The following HKDC1 variants were observed in gnomAD, a reference collection of about 807,000 sequenced individuals.
HKDC1 encodes hexokinase domain containing 1, also known as hexokinase HKDC1.
Under a neutral mutation model 96.6 loss-of-function variants are expected in HKDC1, and 66 were observed. That is an observed-to-expected ratio of 0.68 (90% CI 0.56 to 0.84). The LOEUF (loss-of-function observed/expected upper bound fraction) is 0.84, where lower values mean the gene tolerates loss of function less well. Among genes scored for constraint, HKDC1 ranks in the 40% least tolerant of loss-of-function variants. The pLI, the probability that HKDC1 is intolerant of heterozygous loss-of-function variation, is 0.00. For missense variants in HKDC1, 1,211 were observed against 1,208.1 expected, an observed-to-expected ratio of 1.00 and a Z score of -0.04; for synonymous variants, 466 against 473.1, an observed-to-expected ratio of 0.98 and a Z score of 0.20.
At chr10:69,221,798 TG>T in intron 1 of HKDC1, among the ~76,000 whole-genome samples, 2 of 151,708 alleles carry the variant, frequency 1.3e-5, no homozygotes, top group Middle Eastern at 6.8e-3. Context: ...CCGGTCATGG[TG>T]GTGTGTGCCT....
intron 12 of HKDC1, among the ~76,000 whole-genome samples, chr10:69,256,383 C>T (rs1328471156): frequency 1.3e-5 from 2 of 152,164 alleles, no homozygotes; most frequent in Non-Finnish European, 2.9e-5. Flanking sequence ...TGCCTTTGAT[C>T]ACATTGTAAT....
Position 69,248,470 on chromosome 10 carries a change from T to C in HKDC1, c.1312T>C (p.Cys438Arg). Residue 438 changes from cysteine (C) to arginine (R), a missense_variant, in exon 10 of 18, where the codon TGT (cysteine) becomes CGT (arginine). Transcript: ENST00000354624. ...GGTGGTGAGGAAACTGGTCCCAAGC[T>C]GTGATGTCCGCTTCCTCCTGTCAGA... is the stretch of plus-strand genomic sequence containing the variant. ...HKVVRKLVPS[C>R]DVRFLLSESG... The C allele has an allele frequency of 1.2e-6, 2 of 1,600,556 alleles. No individual in the cohort carries two copies. The highest frequency in any genetic ancestry group is 1.7e-6 in the Non-Finnish European group (2 of 1,170,502).
intron 13 of HKDC1, 71 bp downstream of exon 13, chr10:69,257,202 T>G: frequency 6.8e-7 from 1 of 1,476,548 alleles, no homozygotes; most frequent in Non-Finnish European, 9.5e-7. Flanking sequence ...TGCCATCCTC[T>G]GCCCAGTTCC....
intron 1 of HKDC1, among the ~76,000 whole-genome samples, 187 bp from the exon 2 acceptor site, chr10:69,227,017 TCTG>T (rs1007048198): frequency 6.6e-6 from 1 of 152,150 alleles, no homozygotes; most frequent in Admixed American, 6.5e-5. Context: ...TCCGTTCCAT[TCTG>T]CTTTCCTAAC....
chr10:69,253,304 T>C (rs1843672689), intron 12 of HKDC1, among the ~76,000 whole-genome samples: 1 of 152,132 alleles, frequency 6.6e-6, no homozygotes, highest in Non-Finnish European at 1.5e-5. Flanking sequence ...CTGTCTGTTC[T>C]GCAGATGGAG....
chr10:69,230,166 A>G (rs1440687744), intron 2 of HKDC1, among the ~76,000 whole-genome samples: 2 of 152,188 alleles, frequency 1.3e-5, no homozygotes, highest in African/African-American at 2.4e-5. Flanking sequence ...TTCTGACAGG[A>G]TCAAGTGCCT....
intron 12 of HKDC1, among the ~76,000 whole-genome samples, chr10:69,254,124 G>A (rs1428754974): frequency 6.6e-6 from 1 of 152,098 alleles, no homozygotes; most frequent in African/African-American, 2.4e-5. Context: ...GGCCAACATG[G>A]CGAAACCCCA....
chr10:69,257,385 G>C lies in HKDC1; in HGVS notation c.1991G>C (p.Cys664Ser). ...VNDTVGTMMT[C>S]GYEDPNCEIG... is the part of the protein sequence containing the mutation. ...GATACAGTGGGGACCATGATGACCTGTGGCTATGAAGATCCTAATTGTGAG... is the reference window on the plus strand; with the variant it reads ...GATACAGTGGGGACCATGATGACCTCTGGCTATGAAGATCCTAATTGTGAG... Residue 664 changes from cysteine to serine, a missense_variant, in exon 14 of 18, where the codon TGT becomes TCT. By Grantham distance (112) the Cys-to-Ser change is moderately radical. Coordinates refer to ENST00000354624, the MANE Select transcript of HKDC1 (RefSeq NM_025130.4). The C allele has an allele frequency of 1.2e-6, 2 of 1,614,118 alleles. No individual in the cohort carries two copies. Among genetic ancestry groups the C allele is most frequent in the Non-Finnish European group, 1.7e-6 (2 of 1,179,940 alleles).
chr10:69,247,290 A>G (rs1026069897), intron 8 of HKDC1, 70 bp from the exon 9 acceptor site: 16 of 1,014,384 alleles, frequency 1.6e-5, no homozygotes, highest in Non-Finnish European at 2.5e-5. Context: ...GAGGTGGAGA[A>G]GCTTGTTCCC....
chr10:69,244,588 G>A (rs1329266702), intron 7 of HKDC1, among the ~76,000 whole-genome samples: 1 of 152,134 alleles, frequency 6.6e-6, no homozygotes, highest in African/African-American at 2.4e-5. Flanking sequence ...GGCTGAGGTG[G>A]GAGGACTGCT....
At chr10:69,255,372 T>C (rs61162277) in intron 12 of HKDC1, among the ~76,000 whole-genome samples, 4,513 of 152,198 alleles carry the variant, frequency 0.03, 200 homozygotes, top group African/African-American at 0.1. Flanking sequence ...CCAAGAACTA[T>C]GGAGGGAAGG....
chr10:69,250,722 T>G, intron 12 of HKDC1, 70 bp downstream of exon 12: 1 of 1,567,630 alleles, frequency 6.4e-7, no homozygotes, highest in Non-Finnish European at 8.7e-7. Flanking sequence ...CATCTCCAGG[T>G]AACTCCCAGC....
intron 2 of HKDC1, among the ~76,000 whole-genome samples, chr10:69,230,319 T>C (rs1378152191): frequency 6.6e-6 from 1 of 152,192 alleles, no homozygotes. Context: ...CAAGGCCAAA[T>C]AGGCCTTGGG....
Position 69,227,345 on chromosome 10 carries a change from G to C in HKDC1, c.202G>C (p.Val68Leu). 1 of 1,614,184 alleles carries C rather than the reference G, an allele frequency of 6.2e-7. No individual in the cohort carries two copies. The highest frequency in any genetic ancestry group is 8.5e-7 in the Non-Finnish European group (1 of 1,180,034). Residue 68 changes from valine to leucine, a missense_variant, in exon 2 of 18, where the codon GTC (valine) becomes CTC (leucine). By Grantham distance (32) the Val-to-Leu change is conservative. Coordinates refer to ENST00000354624, the MANE Select transcript of HKDC1 (RefSeq NM_025130.4). ...TAAVKMLPTFVRAIPDGSENG... is the reference protein window; with the variant it reads ...TAAVKMLPTFLRAIPDGSENG... ...TGCAGTGAAGATGTTGCCCACCTTC[G>C]TCAGGGCCATTCCCGATGGTTCCGG... is the stretch of plus-strand genomic sequence containing the variant.
chr10:69,225,627 C>T (rs1453392628), intron 1 of HKDC1, among the ~76,000 whole-genome samples: 1 of 152,138 alleles, frequency 6.6e-6, no homozygotes, highest in Non-Finnish European at 1.5e-5. Context: ...CCTCTGAGGC[C>T]TGGCTGATGA....
intron 10 of HKDC1, chr10:69,248,991 G>A (rs974344024): frequency 7.8e-6 from 3 of 382,528 alleles, no homozygotes; most frequent in Non-Finnish European, 9.3e-6. Context: ...GTGTGTAGAT[G>A]AGAACATGAG....
rs75947978 is a variant in HKDC1, at chr10:69,230,455, C to T, written c.227-2309C>T. ...ATCTCCGCATTCAGCCACTGTGCAC[C>T]TTTGGGAGACTCTGCACTGGGTAAA... On this transcript the variant is annotated intron_variant, in intron 2 of 17. Transcript: ENST00000354624. Among the ~76,000 whole-genome samples the T allele has an allele frequency of 9.6e-3, 1,467 of 152,260 alleles. 26 individuals are homozygous for T. Among genetic ancestry groups the T allele is most frequent in the African/African-American group, 0.034 (1,395 of 41,546 alleles).
chr10:69,261,513 C>A lies in HKDC1; in HGVS notation c.2372+219C>A. On this transcript the variant is annotated intron_variant, in intron 16 of 17. Coordinates refer to ENST00000354624, the MANE Select transcript of HKDC1 (RefSeq NM_025130.4). ...GGGCTCATCTATAAAGTCCTGCTGT[C>A]CCCATCCTCAGGCTGGGCTAATTTG... The A allele has an allele frequency of 1.0e-5, 5 of 478,914 alleles. No individual in the cohort carries two copies. The South Asian group carries it at 1.8e-4, about 17-fold the overall frequency. 29.7% of individuals were successfully genotyped at this position (478,914 alleles called of 1,614,324 possible).
intron 1 of HKDC1, among the ~76,000 whole-genome samples, chr10:69,225,088 A>G: frequency 6.6e-6 from 1 of 152,204 alleles, no homozygotes; most frequent in East Asian, 1.9e-4. Context: ...ACCTCAACTT[A>G]TTGAAAGAGC....
Sources: allele counts gnomAD v4.1 joint callset (sites outside exome capture counted in the v4.1 genomes callset), GRCh38; gene constraint gnomAD v4.1.1; transcripts MANE v1.5; gene names NCBI Gene and HGNC (gene_info 2026-07-23, HGNC 2026-07-21).